WDPCP: variants seen among roughly 807,000 people sequenced by gnomAD.
WDPCP encodes WD repeat containing planar cell polarity effector, also known as WD repeat-containing and planar cell polarity effector protein fritz homolog.
In WDPCP, 71 loss-of-function variants were observed where a neutral mutation model predicts 93.1. That is an observed-to-expected ratio of 0.76 (90% CI 0.63 to 0.93). The LOEUF (loss-of-function observed/expected upper bound fraction) is 0.93. Ranked by LOEUF, WDPCP falls within the 40% of genes least tolerant of loss-of-function variation. The probability of loss-of-function intolerance (pLI) is 0.00; values close to 1 mark genes in which losing one functional copy is unlikely to be tolerated. For synonymous variants in WDPCP, 315 were observed against 315.0 expected (o/e 1.00, Z 0.00); for missense variants, 844 against 887.4 (o/e 0.95, Z 0.62).
chr2:63,648,037 G>A (rs189437851), intron 3 of WDPCP, among the ~76,000 whole-genome samples: 38 of 152,162 alleles, frequency 2.5e-4, no homozygotes, highest in Middle Eastern at 6.8e-3. Flanking sequence ...CAGGTGCCCC[G>A]GATAGCTCCT....
intron 14 of WDPCP, among the ~76,000 whole-genome samples, chr2:63,204,048 T>G (rs1478826985): frequency 6.6e-6 from 1 of 152,214 alleles, no homozygotes; most frequent in Non-Finnish European, 1.5e-5. Flanking sequence ...CTAATGTACC[T>G]TCTTTTGAGT....
At chr2:63,472,845 C>T (rs1457715695) in intron 6 of WDPCP, among the ~76,000 whole-genome samples, 6 of 152,234 alleles carry the variant, frequency 3.9e-5, no homozygotes, top group Non-Finnish European at 7.3e-5. Context: ...CAGGCGTGAG[C>T]CGCCGTGCCC....
At chr2:63,459,530 G>A (rs1698864720) in intron 6 of WDPCP, among the ~76,000 whole-genome samples, 1 of 152,142 alleles carries the variant, frequency 6.6e-6, no homozygotes, top group East Asian at 1.9e-4. Context: ...AAAATAACAT[G>A]CTGGCAAGAA....
At chr2:63,777,433 A>G (rs1670321374) in intron 2 of WDPCP, among the ~76,000 whole-genome samples, 1 of 152,182 alleles carries the variant, frequency 6.6e-6, no homozygotes, top group Non-Finnish European at 1.5e-5. Context: ...TACCGCTACC[A>G]TATTGAAAGC....
intron 2 of WDPCP, among the ~76,000 whole-genome samples, chr2:63,741,783 C>G (rs1669718435): frequency 1.3e-5 from 2 of 152,038 alleles, no homozygotes; most frequent in African/African-American, 4.8e-5. Context: ...CCTCTTACCA[C>G]TCAGAAAATG....
At chr2:63,813,453 T>C (rs1258898524) in intron 2 of WDPCP, among the ~76,000 whole-genome samples, 1 of 152,242 alleles carries the variant, frequency 6.6e-6, no homozygotes, top group Non-Finnish European at 1.5e-5. Context: ...GGTCACAACC[T>C]GACAGCAAGC....
intron 14 of WDPCP, among the ~76,000 whole-genome samples, chr2:63,205,444 C>T (rs572246139): frequency 6.6e-6 from 1 of 152,172 alleles, no homozygotes; most frequent in South Asian, 2.1e-4. Context: ...AATATTGATT[C>T]TTCCAATCCA....
intron 2 of WDPCP, among the ~76,000 whole-genome samples, chr2:63,728,802 G>A (rs1279782382): frequency 6.6e-6 from 1 of 152,064 alleles, no homozygotes; most frequent in Non-Finnish European, 1.5e-5. Flanking sequence ...CTTCCAGCAG[G>A]CATCAAGGAA....
At chr2:63,724,194 A>G (rs1044753428) in intron 2 of WDPCP, among the ~76,000 whole-genome samples, 1 of 152,210 alleles carries the variant, frequency 6.6e-6, no homozygotes, top group Non-Finnish European at 1.5e-5. Context: ...CTGTGCTGCA[A>G]TTCTTACCCA....
At chr2:63,565,571 C>G (rs1039705713) in intron 1 of WDPCP, among the ~76,000 whole-genome samples, 1 of 152,110 alleles carries the variant, frequency 6.6e-6, no homozygotes, top group African/African-American at 2.4e-5. Flanking sequence ...ATCATTGTAT[C>G]TTACCAATGC....
intron 12 of WDPCP, among the ~76,000 whole-genome samples, chr2:63,324,946 A>G (rs1687418077): frequency 6.6e-6 from 1 of 152,214 alleles, no homozygotes; most frequent in South Asian, 2.1e-4. Flanking sequence ...TTAAGAAAAT[A>G]TACTCCCATC....
At chr2:63,671,217 G>A (rs1008476050) in intron 2 of WDPCP, among the ~76,000 whole-genome samples, 3 of 152,114 alleles carry the variant, frequency 2.0e-5, no homozygotes, top group African/African-American at 4.8e-5. Flanking sequence ...AATTGATTAA[G>A]GGTCCAGCTC....
chr2:63,236,594 T>C (rs1559233790), intron 14 of WDPCP, among the ~76,000 whole-genome samples: 1 of 152,148 alleles, frequency 6.6e-6, no homozygotes, highest in African/African-American at 2.4e-5. Context: ...AAGACTGCAG[T>C]AACCGAAACA....
intron 2 of WDPCP, among the ~76,000 whole-genome samples, chr2:63,792,459 A>C (rs1212717385): frequency 6.6e-6 from 1 of 152,168 alleles, no homozygotes; most frequent in East Asian, 1.9e-4. Flanking sequence ...TGGGGATTAC[A>C]ATTTGGGATG....
intron 3 of WDPCP, chr2:63,594,173 G>T: frequency 4.0e-6 from 2 of 496,216 alleles, no homozygotes; most frequent in Middle Eastern, 3.3e-4. Flanking sequence ...TCTAGTGGCT[G>T]CCAGGGTTTG....
At chr2:63,226,645 A>G (rs1213782947) in intron 14 of WDPCP, among the ~76,000 whole-genome samples, 1 of 151,928 alleles carries the variant, frequency 6.6e-6, no homozygotes, top group Non-Finnish European at 1.5e-5. Flanking sequence ...GAAAAATTAC[A>G]CACTTTACAA....
At chr2:63,368,413 C>G (rs947648060) in intron 12 of WDPCP, among the ~76,000 whole-genome samples, 19 of 152,072 alleles carry the variant, frequency 1.2e-4, no homozygotes, top group Admixed American at 6.5e-4. Context: ...GCAGCCTCCA[C>G]CTCCCAGGTT....
chr2:63,162,106 C>T (rs1672686709), intron 15 of WDPCP, among the ~76,000 whole-genome samples: 1 of 152,054 alleles, frequency 6.6e-6, no homozygotes, highest in Admixed American at 6.6e-5. Flanking sequence ...CAAAGTCAGT[C>T]AGTTTGATCT....
intron 2 of WDPCP, among the ~76,000 whole-genome samples, chr2:63,796,772 C>G (rs1670623883): frequency 6.6e-6 from 1 of 152,200 alleles, no homozygotes; most frequent in Non-Finnish European, 1.5e-5. Context: ...GTCTAGGCCG[C>G]AAGGACTCCA....
Sources: allele counts gnomAD v4.1 joint callset (sites outside exome capture counted in the v4.1 genomes callset), GRCh38; gene constraint gnomAD v4.1.1; transcripts MANE v1.5; gene names NCBI Gene and HGNC (gene_info 2026-07-23, HGNC 2026-07-21).